SOX5: variants seen among roughly 807,000 people sequenced by gnomAD.
SOX5 encodes the protein SRY-box transcription factor 5.
A neutral mutation model predicts 92.0 loss-of-function variants in SOX5; 9 were observed. The observed-to-expected ratio is 0.10, with a 90% CI of 0.06 to 0.17. The LOEUF (loss-of-function observed/expected upper bound fraction) is 0.17, where lower values mean the gene tolerates loss of function less well. Among genes scored for constraint, SOX5 ranks in the 10% least tolerant of loss-of-function variants. SOX5 has a pLI of 1.00. For synonymous variants in SOX5, 344 were observed against 336.3 expected (o/e 1.02, Z -0.25); for missense variants, 642 against 944.5 (o/e 0.68, Z 4.20).
chr12:24,050,084 C>CAAAAAAAAAA (rs10687571), intron 4 of SOX5, among the ~76,000 whole-genome samples: 1 of 74,248 alleles, frequency 1.3e-5, no homozygotes, highest in Non-Finnish European at 2.3e-5. Flanking sequence ...GGCGCAGAGG[C>CAAAAAAAAAA]AAAAAAAAAA....
intron 10 of SOX5, among the ~76,000 whole-genome samples, chr12:23,567,881 C>A (rs911035099): frequency 2.6e-5 from 4 of 151,972 alleles, no homozygotes; most frequent in Non-Finnish European, 5.9e-5. Context: ...AAAGAAGGGA[C>A]AAACTAGAAA....
At chr12:23,547,738 G>C (rs1943411053) in intron 11 of SOX5, among the ~76,000 whole-genome samples, 2 of 152,060 alleles carry the variant, frequency 1.3e-5, no homozygotes, top group South Asian at 4.1e-4. Context: ...ATACAGTAGA[G>C]AAACTGGAGA....
At chr12:23,635,152 C>T (rs16926483) in intron 8 of SOX5, among the ~76,000 whole-genome samples, 7 of 152,100 alleles carry the variant, frequency 4.6e-5, no homozygotes, top group African/African-American at 1.7e-4. Flanking sequence ...TGAAGTCTTC[C>T]CTGAAAAAAG....
At chr12:23,643,036 G>A (rs2080306003) in intron 7 of SOX5, among the ~76,000 whole-genome samples, 3 of 100,430 alleles carry the variant, frequency 3.0e-5, no homozygotes. Flanking sequence ...GCAGTGAGCC[G>A]AGATCCCGCC....
intron 4 of SOX5, among the ~76,000 whole-genome samples, chr12:24,092,937 G>A (rs928045560): frequency 6.6e-6 from 1 of 152,144 alleles, no homozygotes; most frequent in African/African-American, 2.4e-5. Flanking sequence ...AAGAAGCCTA[G>A]GCTAATAGAC....
chr12:23,851,711 C>T (rs1221325917), intron 2 of SOX5, among the ~76,000 whole-genome samples: 2 of 151,806 alleles, frequency 1.3e-5, no homozygotes, highest in African/African-American at 4.8e-5. Flanking sequence ...TGGGCTATTT[C>T]AGTAGTTCAC....
At chr12:23,683,278 A>G (rs11047047) in intron 6 of SOX5, among the ~76,000 whole-genome samples, 69,604 of 151,498 alleles carry the variant, frequency 0.46, 16,112 homozygotes, top group Admixed American at 0.52. Context: ...GATTGTCCAC[A>G]CTGCCAGTGG....
intron 1 of SOX5, among the ~76,000 whole-genome samples, chr12:24,435,239 G>A (rs551894937): frequency 1.3e-5 from 2 of 152,340 alleles, no homozygotes; most frequent in South Asian, 4.1e-4. Flanking sequence ...AGCTGCCTGT[G>A]CATGAAGCTA....
chr12:23,565,171 G>C (rs770179080), intron 10 of SOX5, among the ~76,000 whole-genome samples: 1 of 152,146 alleles, frequency 6.6e-6, no homozygotes. Flanking sequence ...TCTAAACCTA[G>C]AACAGATCTT....
At chr12:23,899,517 A>G (rs1187843162) in intron 1 of SOX5, among the ~76,000 whole-genome samples, 1 of 152,128 alleles carries the variant, frequency 6.6e-6, no homozygotes, top group African/African-American at 2.4e-5. Context: ...GTGAGCATCT[A>G]GGCTGGCGTA....
chr12:23,530,818 T>TGTGTGTGTGTGTGCGTGCGCGCGCGC lies in SOX5; in HGVS notation c.*3400_*3401insGCGCGCGCGCACGCACACACACACAC. The TGTGTGTGTGTGTGCGTGCGCGCGCGC allele has an allele frequency of 7.6e-6, 1 of 132,052 alleles. No homozygotes were observed. The highest frequency in any genetic ancestry group is 1.6e-5 in the Non-Finnish European group (1 of 60,788). 8.2% of individuals were successfully genotyped at this position (132,052 alleles called of 1,614,324 possible). A position where few individuals can be genotyped will look rare whatever the true frequency, so the allele number is the denominator to read the frequency against. On this transcript the variant is annotated 3_prime_UTR_variant, in exon 15 of 15. Coordinates refer to ENST00000451604, the MANE Select transcript of SOX5 (RefSeq NM_006940.6). The stretch of plus-strand genomic sequence containing the variant: ...GGGCAAGTGTGTGTGTGTGTGTGTG[T>TGTGTGTGTGTGTGCGTGCGCGCGCGC]GCGCGCGCGCGCGCGCGCATGTGAG...
At chr12:23,991,347 AAAT>A (rs1157790676) in intron 4 of SOX5, among the ~76,000 whole-genome samples, 11 of 151,364 alleles carry the variant, frequency 7.3e-5, no homozygotes, top group African/African-American at 2.4e-4. Context: ...ACAACAAAAA[AAAT>A]ATATATATAT....
chr12:23,838,851 G>GT lies in SOX5; in HGVS notation c.481+7131_481+7132insA, dbSNP rs1322882989. ...CAGTAGTTCTTTTTTTTTGGGGGGG[G>GT]GGGGCGGGGATGGAGTCTCGCTTTG... On this transcript the variant is annotated intron_variant, in intron 3 of 14. Transcript: ENST00000451604. Among the ~76,000 whole-genome samples the GT allele has an allele frequency of 7.6e-3, 780 of 102,794 alleles. 34 individuals carry two copies. The highest frequency in any genetic ancestry group is 0.012 in the Non-Finnish European group (589 of 49,354). 67.4% of individuals were successfully genotyped at this position (102,794 alleles called of 152,430 possible).
intron 2 of SOX5, among the ~76,000 whole-genome samples, chr12:24,365,740 T>C (rs1169085558): frequency 6.7e-6 from 1 of 150,146 alleles, no homozygotes; most frequent in African/African-American, 2.4e-5. Flanking sequence ...CAGGCTTCTA[T>C]AGCAATAAAA....
chr12:24,074,553 ATCAG>A (rs1419097203), intron 4 of SOX5, among the ~76,000 whole-genome samples: 1 of 146,964 alleles, frequency 6.8e-6, no homozygotes, highest in African/African-American at 2.5e-5. Flanking sequence ...CAAACAGTAC[ATCAG>A]TCATTTAGCC....
chr12:23,733,349 G>C (rs2093463640), intron 6 of SOX5, among the ~76,000 whole-genome samples: 2 of 152,096 alleles, frequency 1.3e-5, no homozygotes, highest in Non-Finnish European at 2.9e-5. Flanking sequence ...AGATAACCAG[G>C]TACCATCGAC....
At chr12:23,636,891 G>A (rs1214565609) in intron 8 of SOX5, among the ~76,000 whole-genome samples, 1 of 152,136 alleles carries the variant, frequency 6.6e-6, no homozygotes, top group East Asian at 1.9e-4. Flanking sequence ...CATGGATTTT[G>A]GACTCTGTGA....
chr12:24,058,244 C>T (rs1187381116), intron 4 of SOX5, among the ~76,000 whole-genome samples: 22 of 152,216 alleles, frequency 1.4e-4, no homozygotes, highest in Admixed American at 1.4e-3. Flanking sequence ...AGTAACACAT[C>T]GTCCTCACTG....
intron 1 of SOX5, among the ~76,000 whole-genome samples, chr12:23,945,878 T>G (rs952893626): frequency 6.6e-6 from 1 of 152,136 alleles, no homozygotes; most frequent in African/African-American, 2.4e-5. Flanking sequence ...AAAATATATC[T>G]GTGTCATAAA....
Sources: gnomAD v4.1 joint callset for allele counts (sites outside exome capture counted in the v4.1 genomes callset) on GRCh38, gnomAD v4.1.1 for gene constraint, MANE v1.5 for transcripts, NCBI Gene and HGNC (gene_info 2026-07-23, HGNC 2026-07-21) for gene names.